RRN3: variants seen among roughly 807,000 people sequenced by gnomAD.
The protein encoded by RRN3 is RNA polymerase I-specific transcription initiation factor RRN3.
RRN3 carries 38 observed loss-of-function variants against 82.3 expected under a neutral mutation model. That is an observed-to-expected ratio of 0.46 (90% CI 0.36 to 0.61). The LOEUF is 0.61. Ranked by LOEUF, RRN3 falls within the 20% of genes least tolerant of loss-of-function variation. The probability of loss-of-function intolerance (pLI) is 0.00; values close to 1 mark genes in which losing one functional copy is unlikely to be tolerated. For synonymous variants in RRN3, 284 were observed against 284.3 expected, an observed-to-expected ratio of 1.00 and a Z score of 0.01; for missense variants, 726 against 793.1, an observed-to-expected ratio of 0.92 and a Z score of 1.02.
intron 7 of RRN3, among the ~76,000 whole-genome samples, 185 bp downstream of exon 7, chr16:15,084,457 T>C (rs776171918): frequency 5.9e-5 from 9 of 151,866 alleles, no homozygotes; most frequent in Non-Finnish European, 1.3e-4. Flanking sequence ...GAAAAACAAT[T>C]AAAGAGAATA....
chr16:15,064,268 C>T (rs2044855658), intron 16 of RRN3, among the ~76,000 whole-genome samples: 1 of 152,034 alleles, frequency 6.6e-6, no homozygotes, highest in South Asian at 2.1e-4. Flanking sequence ...CTCCACCTCC[C>T]GGGTTCAAGA....
chr16:15,072,890 G>A (rs769879080), intron 12 of RRN3, 60 bp downstream of exon 12: 7 of 1,580,078 alleles, frequency 4.4e-6, no homozygotes, highest in Non-Finnish European at 6.0e-6. Flanking sequence ...CAGTTTTTAG[G>A]GAAAATTTTT....
chr16:15,063,313 A>C, intron 16 of RRN3, 30 bp from the exon 17 acceptor site: 2 of 1,517,656 alleles, frequency 1.3e-6, no homozygotes, highest in Non-Finnish European at 1.8e-6. Flanking sequence ...TTCAAAGTCA[A>C]GTTAAATACT....
intron 6 of RRN3, among the ~76,000 whole-genome samples, chr16:15,085,414 T>A (rs1163994394): frequency 6.6e-6 from 1 of 152,118 alleles, no homozygotes; most frequent in African/African-American, 2.4e-5. Context: ...GCCTCCCAGG[T>A]AGCTGTGACT....
chr16:15,076,120 T>C lies in RRN3; in HGVS notation c.858+438A>G, dbSNP rs1213161147. On this transcript the variant is annotated intron_variant, in intron 10 of 17. Transcript: ENST00000198767. Reference sequence around the variant, plus strand: ...GTTTAGCTCCCCTGCCCTCTTCTGCTCCCTGACACCCTCTGTCCCAAGGGC... The same window carrying C: ...GTTTAGCTCCCCTGCCCTCTTCTGCCCCCTGACACCCTCTGTCCCAAGGGC... Among the ~76,000 whole-genome samples, 4 of 152,078 alleles carry C rather than the reference T, an allele frequency of 2.6e-5. No homozygotes were observed. In the East Asian group the frequency reaches 7.7e-4, roughly 29 times the overall value.
At chr16:15,077,660 T>C (rs1184553611) in intron 9 of RRN3, among the ~76,000 whole-genome samples, 1 of 152,060 alleles carries the variant, frequency 6.6e-6, no homozygotes, top group Non-Finnish European at 1.5e-5. Flanking sequence ...GCTAACACGG[T>C]GAAACCCCAT....
At position 15,094,192 on chromosome 16, in the gene RRN3, C is replaced by T. The variant is rs748931321; in HGVS notation, c.42G>A (p.Ala14=). ...PLLHTRLPGD[A]AASSSAVKKL... is the part of the protein sequence containing the mutation. ...TCTTAACTGCAGAGGACGAAGCGGC[C>T]GCATCTCCCGGCAAACGCGTGTGAA... The change falls in exon 1 of 18, where the codon GCG becomes GCA. Residue 14 remains alanine, a synonymous_variant. Coordinates refer to ENST00000198767, the MANE Select transcript of RRN3 (RefSeq NM_018427.5). The T allele has an allele frequency of 1.1e-5, 18 of 1,600,494 alleles. No homozygotes were observed. The highest frequency in any genetic ancestry group is 5.6e-5 in the South Asian group (5 of 88,582).
intron 12 of RRN3, 144 bp from the exon 13 acceptor site, chr16:15,071,395 A>G (rs1312916711): frequency 2.5e-6 from 2 of 787,948 alleles, no homozygotes; most frequent in Admixed American, 2.8e-5. Context: ...TTTAAAACAC[A>G]TTGAGAGAAT....
chr16:15,061,651 G>T lies in RRN3; in HGVS notation c.*93C>A. 1 of 1,249,468 alleles carries T rather than the reference G, an allele frequency of 8.0e-7. No individual in the cohort carries two copies. The highest frequency in any genetic ancestry group is 1.1e-6 in the Non-Finnish European group (1 of 878,660). 77.4% of individuals were successfully genotyped at this position (1,249,468 alleles called of 1,614,324 possible). A position where few individuals can be genotyped will look rare whatever the true frequency, so the allele number is the denominator to read the frequency against. ...AGGCAGGCACTCGCTCTAGTTCAAT[G>T]CCATCAATGCCCAATGGCACAAGCT... On this transcript the variant is annotated 3_prime_UTR_variant, in exon 18 of 18. Coordinates refer to ENST00000198767, the MANE Select transcript of RRN3 (RefSeq NM_018427.5).
At chr16:15,063,552 C>G (rs2044811271) in intron 16 of RRN3, among the ~76,000 whole-genome samples, 1 of 151,546 alleles carries the variant, frequency 6.6e-6, no homozygotes, top group Non-Finnish European at 1.5e-5. Context: ...ACTAAAAATA[C>G]AAAAAATTAG....
rs1308744696 is a variant in RRN3 at position 15,085,655 on chromosome 16, A to G, written c.516T>C (p.Ser172=). 1 of 1,613,512 alleles carries G rather than the reference A, an allele frequency of 6.2e-7. No homozygotes were observed. Among genetic ancestry groups the G allele is most frequent in the Non-Finnish European group, 8.5e-7 (1 of 1,179,708 alleles). Residue 172 remains serine, a synonymous_variant, in exon 6 of 18, where the codon TCT becomes TCC. Coordinates refer to ENST00000198767, the MANE Select transcript of RRN3 (RefSeq NM_018427.5). ...TATACTTACTATCATCTTCATCATC[A>G]GAATCTGAAACATCTACATCGCCTT... is the stretch of plus-strand genomic sequence containing the variant. ...IKEGDVDVSD[S]DDEDDNLPAN... is the part of the protein sequence containing the mutation.
intron 16 of RRN3, among the ~76,000 whole-genome samples, chr16:15,064,784 C>A (rs1015874696): frequency 6.6e-6 from 1 of 152,202 alleles, no homozygotes; most frequent in Non-Finnish European, 1.5e-5. Flanking sequence ...AGGGAGACCA[C>A]GAGATGCTCA....
At chr16:15,062,947 T>C (rs918641392) in intron 17 of RRN3, among the ~76,000 whole-genome samples, 4 of 152,224 alleles carry the variant, frequency 2.6e-5, no homozygotes, top group East Asian at 1.9e-4. Context: ...ACTGCAGCCT[T>C]GACCTCCCAC....
intron 9 of RRN3, among the ~76,000 whole-genome samples, chr16:15,079,595 TC>T (rs1246160729): frequency 2.0e-5 from 2 of 100,350 alleles, no homozygotes; most frequent in Non-Finnish European, 2.4e-5. Flanking sequence ...TGGTTTCTTT[TC>T]TTTTTTTTTT....
At chr16:15,087,375 C>T (rs191345831) in intron 3 of RRN3, among the ~76,000 whole-genome samples, 31 of 152,114 alleles carry the variant, frequency 2.0e-4, no homozygotes, top group African/African-American at 4.6e-4. Flanking sequence ...AGGCTAAGAA[C>T]GATTAATAAG....
At chr16:15,062,039 T>G in intron 17 of RRN3, 134 bp from the exon 18 acceptor site, 1 of 910,212 alleles carries the variant, frequency 1.1e-6, no homozygotes, top group Non-Finnish European at 1.6e-6. Context: ...AGAAAGCCAG[T>G]GTAGTGGCAC....
At chr16:15,061,982 G>A (rs984957833) in intron 17 of RRN3, 77 bp from the exon 18 acceptor site, 1 of 1,391,306 alleles carries the variant, frequency 7.2e-7, no homozygotes, top group African/African-American at 1.4e-5. Context: ...TCCTCAGGAA[G>A]GTGTTAACGT....
At chr16:15,083,378 G>T (rs1452424509) in intron 8 of RRN3, 135 bp downstream of exon 8, 3 of 1,389,208 alleles carry the variant, frequency 2.2e-6, no homozygotes, top group East Asian at 5.3e-5. Context: ...CAGCTTGGGC[G>T]ACAGAGTGAG....
Position 15,060,148 on chromosome 16 carries a change from T to C in RRN3, c.*1596A>G, listed in dbSNP as rs756028364. On this transcript the variant is annotated 3_prime_UTR_variant, in exon 18 of 18. Transcript: ENST00000198767. ...ACTCCTTTGAAATTAAACAGACTTATATGTAAATGTCTTTCTACATTAAAA... is the reference window on the plus strand; with the variant it reads ...ACTCCTTTGAAATTAAACAGACTTACATGTAAATGTCTTTCTACATTAAAA... 3 of 411,688 alleles carry C rather than the reference T, an allele frequency of 7.3e-6. No individual in the cohort carries two copies. Among genetic ancestry groups the C allele is most frequent in the East Asian group, 7.7e-5 (1 of 12,966 alleles). 25.5% of individuals were successfully genotyped at this position (411,688 alleles called of 1,614,324 possible). A position where few individuals can be genotyped will look rare whatever the true frequency, so the allele number is the denominator to read the frequency against.
Sources: allele counts gnomAD v4.1 joint callset (sites outside exome capture counted in the v4.1 genomes callset), GRCh38; gene constraint gnomAD v4.1.1; transcripts MANE v1.5; gene names NCBI Gene and HGNC (gene_info 2026-07-23, HGNC 2026-07-21).